The following CTNND2 variants were observed in gnomAD, a reference collection of about 807,000 sequenced individuals.
CTNND2 encodes catenin delta 2.
CTNND2 carries 22 observed loss-of-function variants against 144.4 expected under a neutral mutation model. The ratio of observed to expected loss-of-function variants is 0.15; its 90% CI spans 0.11 to 0.22. The LOEUF (loss-of-function observed/expected upper bound fraction) is 0.22, where lower values mean the gene tolerates loss of function less well. Ranked by LOEUF, CTNND2 falls within the 10% of genes least tolerant of loss-of-function variation. The pLI, the probability that CTNND2 is intolerant of heterozygous loss-of-function variation, is 1.00. For missense variants in CTNND2, 1,353 were observed against 1,618.8 expected, an observed-to-expected ratio of 0.84 and a Z score of 2.82; for synonymous variants, 751 against 695.6, an observed-to-expected ratio of 1.08 and a Z score of -1.25.
At chr5:11,377,746 C>T (rs970288617) in intron 7 of CTNND2, among the ~76,000 whole-genome samples, 6 of 152,208 alleles carry the variant, frequency 3.9e-5, no homozygotes, top group Admixed American at 2.6e-4. Context: ...GCAATCCCAA[C>T]TCTTAGTTCC....
chr5:11,701,310 T>C (rs1785422394), intron 2 of CTNND2, among the ~76,000 whole-genome samples: 2 of 152,208 alleles, frequency 1.3e-5, no homozygotes, highest in Admixed American at 1.3e-4. Flanking sequence ...CCATCGGATG[T>C]CACAGATAAT....
chr5:11,236,762 G>C lies in CTNND2; in HGVS notation c.1690C>G (p.Pro564Ala). 1 of 1,614,146 alleles carries C rather than the reference G, an allele frequency of 6.2e-7. No homozygotes were observed. Among genetic ancestry groups the C allele is most frequent in the Non-Finnish European group, 8.5e-7 (1 of 1,180,020 alleles). ...EVIQMLQHQF[P>A]SVQSNAAAYL... ...GCTGCCGCGTTAGACTGGACCGAGGGAAACTGGTGCTGCAACATCTGAATC... is the reference window on the plus strand; with the variant it reads ...GCTGCCGCGTTAGACTGGACCGAGGCAAACTGGTGCTGCAACATCTGAATC... The change falls in exon 10 of 22, where the codon CCC becomes GCC. Residue 564 changes from proline to alanine, a missense_variant. Physicochemically the swap from Pro to Ala is conservative, Grantham distance 27. This residue lies in a region of CTNND2 where 69 missense variants were observed against 120.3 expected (regional missense o/e 0.57). Transcript: ENST00000304623.
At chr5:11,389,963 G>C (rs527987767) in intron 6 of CTNND2, among the ~76,000 whole-genome samples, 7 of 152,184 alleles carry the variant, frequency 4.6e-5, no homozygotes, top group African/African-American at 1.7e-4. Flanking sequence ...TTTAGACTGG[G>C]GGGGAGTCCC....
intron 9 of CTNND2, among the ~76,000 whole-genome samples, chr5:11,323,229 A>AT (rs1554032276): frequency 6.0e-5 from 3 of 50,134 alleles, no homozygotes; most frequent in East Asian, 1.8e-3. Flanking sequence ...ACATTTAGAG[A>AT]TTGGGGGGGG....
intron 11 of CTNND2, among the ~76,000 whole-genome samples, chr5:11,192,072 C>T (rs758450103): frequency 5.9e-5 from 9 of 152,192 alleles, no homozygotes; most frequent in South Asian, 2.1e-4. Flanking sequence ...CCTGGTCAAA[C>T]CATGATGCAC....
chr5:11,355,400 A>G (rs1755759555), intron 8 of CTNND2, among the ~76,000 whole-genome samples: 1 of 152,190 alleles, frequency 6.6e-6, no homozygotes, highest in South Asian at 2.1e-4. Flanking sequence ...AACAGAACCA[A>G]GGATAAAAAC....
At chr5:11,517,868 A>C (rs1772320035) in intron 3 of CTNND2, among the ~76,000 whole-genome samples, 1 of 152,230 alleles carries the variant, frequency 6.6e-6, no homozygotes, top group Non-Finnish European at 1.5e-5. Flanking sequence ...GCAAAGTTGA[A>C]GTACACGATG....
intron 7 of CTNND2, among the ~76,000 whole-genome samples, chr5:11,380,769 G>A (rs973845104): frequency 6.5e-4 from 99 of 152,282 alleles, no homozygotes; most frequent in African/African-American, 2.1e-3. Flanking sequence ...CTGTGAATGT[G>A]TGTTGCCTTA....
At chr5:11,184,533 C>T (rs1735425669) in intron 11 of CTNND2, among the ~76,000 whole-genome samples, 2 of 152,122 alleles carry the variant, frequency 1.3e-5, no homozygotes, top group South Asian at 4.1e-4. Flanking sequence ...TAAGTGCTAA[C>T]TGTGTTTGCT....
intron 1 of CTNND2, among the ~76,000 whole-genome samples, chr5:11,864,251 G>A (rs548241860): frequency 3.3e-5 from 5 of 152,026 alleles, no homozygotes; most frequent in African/African-American, 7.2e-5. Context: ...GAGACAAATC[G>A]TTCTTCAATT....
chr5:11,633,046 G>A (rs1781493736), intron 2 of CTNND2, among the ~76,000 whole-genome samples: 1 of 152,122 alleles, frequency 6.6e-6, no homozygotes, highest in African/African-American at 2.4e-5. Context: ...AAGCGCCAGA[G>A]AGACAGGAGA....
At chr5:11,256,626 A>G (rs1438661901) in intron 9 of CTNND2, among the ~76,000 whole-genome samples, 1 of 152,242 alleles carries the variant, frequency 6.6e-6, no homozygotes, top group East Asian at 1.9e-4. Context: ...GCAATATTAC[A>G]TATGTACTAA....
intron 9 of CTNND2, among the ~76,000 whole-genome samples, chr5:11,238,473 G>A (rs1741872965): frequency 6.6e-6 from 1 of 152,214 alleles, no homozygotes; most frequent in South Asian, 2.1e-4. Flanking sequence ...TGTCCTCAAA[G>A]ATTTTAACCT....
At chr5:11,061,261 C>T (rs1401803345) in intron 16 of CTNND2, among the ~76,000 whole-genome samples, 2 of 152,190 alleles carry the variant, frequency 1.3e-5, no homozygotes, top group Non-Finnish European at 2.9e-5. Flanking sequence ...TTCCCAGACT[C>T]CTGAATCCAA....
chr5:11,772,400 AT>A (rs1789998821), intron 1 of CTNND2, among the ~76,000 whole-genome samples: 2 of 152,148 alleles, frequency 1.3e-5, no homozygotes, highest in Admixed American at 6.5e-5. Context: ...ATAATATGAA[AT>A]TTAGATAGGC....
intron 2 of CTNND2, among the ~76,000 whole-genome samples, chr5:11,704,769 CAGTT>C (rs2126678193): frequency 6.6e-6 from 1 of 151,938 alleles, no homozygotes; most frequent in African/African-American, 2.4e-5. Flanking sequence ...TTGTGGCTCA[CAGTT>C]AGGAAAAAGG....
chr5:11,255,026 T>C (rs1744088564), intron 9 of CTNND2, among the ~76,000 whole-genome samples: 1 of 152,204 alleles, frequency 6.6e-6, no homozygotes, highest in Non-Finnish European at 1.5e-5. Context: ...AGCTACAGGT[T>C]TAGGGATGCA....
At chr5:11,021,233 T>C (rs1742218252) in intron 17 of CTNND2, among the ~76,000 whole-genome samples, 1 of 152,194 alleles carries the variant, frequency 6.6e-6, no homozygotes, top group African/African-American at 2.4e-5. Flanking sequence ...AGAATTAATA[T>C]ATGCCAAACC....
chr5:11,429,147 G>A (rs891472652), intron 3 of CTNND2, among the ~76,000 whole-genome samples: 2 of 152,142 alleles, frequency 1.3e-5, no homozygotes, highest in East Asian at 3.9e-4. Flanking sequence ...CCCTTTTCAA[G>A]TGCCACTGCA....
Sources: allele counts gnomAD v4.1 joint callset (sites outside exome capture counted in the v4.1 genomes callset), GRCh38; gene constraint gnomAD v4.1.1; regional missense constraint gnomAD v4.1.1; transcripts MANE v1.5; gene names NCBI Gene and HGNC (gene_info 2026-07-23, HGNC 2026-07-21).